Variants in SPATS2 observed in about 807,000 individuals in gnomAD.
SPATS2 encodes spermatogenesis-associated serine-rich protein 2.
Under a neutral mutation model 63.7 loss-of-function variants are expected in SPATS2, and 38 were observed. The observed-to-expected ratio is 0.60, with a 90% confidence interval of 0.46 to 0.78. The LOEUF (loss-of-function observed/expected upper bound fraction) is 0.78, where lower values mean the gene tolerates loss of function less well. Among genes scored for constraint, SPATS2 ranks in the 30% least tolerant of loss-of-function variants. SPATS2 has a pLI of 0.00. For synonymous variants in SPATS2, 207 were observed against 232.9 expected, an observed-to-expected ratio of 0.89 and a Z score of 1.01; for missense variants, 588 against 666.2, an observed-to-expected ratio of 0.88 and a Z score of 1.29.
Position 49,526,001 on chromosome 12 carries a change from A to C in SPATS2, c.1384A>C (p.Asn462His), listed in dbSNP as rs1459085181. The change falls in exon 14 of 14, where the codon AAT becomes CAT. Residue 462 changes from asparagine to histidine, a missense_variant. Coordinates refer to ENST00000552918, the MANE Select transcript of SPATS2 (RefSeq NM_023071.4). Reference sequence around the variant, plus strand: ...CTATAGGCCACAAGGCCAAAAGTCCAATGACCCCATGAACCAAGGGCGGCA... The same window carrying C: ...CTATAGGCCACAAGGCCAAAAGTCCCATGACCCCATGAACCAAGGGCGGCA... ...QGYRPQGQKS[N>H]DPMNQGRHDS... 5 of 1,614,160 alleles carry C rather than the reference A, an allele frequency of 3.1e-6. No homozygotes were observed. The Admixed American group carries it at 5.0e-5, about 16-fold the overall frequency.
rs79359276 is a variant in SPATS2 at position 49,519,158 on chromosome 12, G to T, written c.984G>T (p.Leu328Phe). The T allele has an allele frequency of 3.7e-6, 6 of 1,613,922 alleles. No homozygotes were observed. The highest frequency in any genetic ancestry group is 5.1e-6 in the Non-Finnish European group (6 of 1,179,920). Residue 328 changes from leucine (L) to phenylalanine (F), a missense_variant, in exon 11 of 14, where the codon TTG becomes TTT. Physicochemically the swap from Leu to Phe is conservative, Grantham distance 22. Transcript: ENST00000552918. The stretch of plus-strand genomic sequence containing the variant: ...CTGTTCAAATGTCAGAGCAGCAATT[G>T]GTTGAGCTCAGAGCTGATATCAAGG... ...HVAVQMSEQQ[L>F]VELRADIKHF...
intron 2 of SPATS2, among the ~76,000 whole-genome samples, chr12:49,393,479 ATTAC>A (rs1161125118): frequency 6.6e-6 from 1 of 152,032 alleles, no homozygotes; most frequent in Non-Finnish European, 1.5e-5. Flanking sequence ...TGACTTTTTT[ATTAC>A]TTTGAAATAT....
intron 2 of SPATS2, among the ~76,000 whole-genome samples, chr12:49,377,563 C>G (rs570418918): frequency 6.6e-6 from 1 of 152,212 alleles, no homozygotes; most frequent in Non-Finnish European, 1.5e-5. Context: ...CTAATTATTT[C>G]CATTGTGAAA....
chr12:49,507,075 A>G (rs1191381865), intron 9 of SPATS2, among the ~76,000 whole-genome samples: 3 of 152,198 alleles, frequency 2.0e-5, no homozygotes, highest in Non-Finnish European at 4.4e-5. Context: ...AAGTAAAACT[A>G]TAAGAATACT....
intron 10 of SPATS2, 67 bp from the exon 11 acceptor site, chr12:49,519,006 A>G: frequency 2.3e-6 from 3 of 1,315,758 alleles, no homozygotes; most frequent in East Asian, 4.8e-5. Context: ...TGCAAGGCTT[A>G]TATTTCTAGT....
At chr12:49,414,758 C>G (rs1013048750) in intron 2 of SPATS2, among the ~76,000 whole-genome samples, 10 of 151,830 alleles carry the variant, frequency 6.6e-5, no homozygotes, top group African/African-American at 2.2e-4. Flanking sequence ...AGGCACATGC[C>G]TGGCTAATTT....
intron 2 of SPATS2, among the ~76,000 whole-genome samples, chr12:49,411,316 GT>G (rs1944793249): frequency 6.6e-6 from 1 of 152,100 alleles, no homozygotes; most frequent in African/African-American, 2.4e-5. Flanking sequence ...CCCACCGGAT[GT>G]GCCCCCTCAA....
At chr12:49,408,351 C>T (rs1944733277) in intron 2 of SPATS2, among the ~76,000 whole-genome samples, 1 of 151,538 alleles carries the variant, frequency 6.6e-6, no homozygotes, top group African/African-American at 2.4e-5. Flanking sequence ...CTCCTGGGCT[C>T]CAGCGATTCT....
chr12:49,436,528 G>A (rs1160256769), intron 2 of SPATS2, among the ~76,000 whole-genome samples: 1 of 121,700 alleles, frequency 8.2e-6, no homozygotes, highest in East Asian at 2.3e-4. Flanking sequence ...GCGGGGGGCT[G>A]ACCCCCCCGC....
At chr12:49,460,379 G>C (rs551156873) in intron 2 of SPATS2, among the ~76,000 whole-genome samples, 17 of 152,218 alleles carry the variant, frequency 1.1e-4, no homozygotes, top group African/African-American at 3.6e-4. Flanking sequence ...ACTTGAACCC[G>C]GGAGGCAGAG....
intron 2 of SPATS2, among the ~76,000 whole-genome samples, chr12:49,373,581 C>A (rs1240931686): frequency 6.6e-6 from 1 of 150,818 alleles, no homozygotes; most frequent in African/African-American, 2.5e-5. Flanking sequence ...TGCTTCAGAC[C>A]AGGAGTTTGA....
chr12:49,433,208 G>A (rs528368829), intron 2 of SPATS2, among the ~76,000 whole-genome samples: 1 of 152,320 alleles, frequency 6.6e-6, no homozygotes, highest in South Asian at 2.1e-4. Flanking sequence ...TGTCACACAG[G>A]CTGGAGTGCA....
intron 2 of SPATS2, among the ~76,000 whole-genome samples, chr12:49,428,272 AC>A (rs370495596): frequency 3.0e-4 from 45 of 147,784 alleles, no homozygotes; most frequent in South Asian, 1.1e-3. Context: ...AAACAAACAA[AC>A]AAAAAAAAAA....
At chr12:49,458,216 C>T (rs1219720442) in intron 2 of SPATS2, among the ~76,000 whole-genome samples, 2 of 152,060 alleles carry the variant, frequency 1.3e-5, no homozygotes, top group African/African-American at 4.8e-5. Flanking sequence ...TGCCTGTAAT[C>T]CCACACTTCA....
chr12:49,471,669 A>G (rs1035922973), intron 3 of SPATS2, among the ~76,000 whole-genome samples: 1 of 152,168 alleles, frequency 6.6e-6, no homozygotes, highest in African/African-American at 2.4e-5. Flanking sequence ...TGTATAGCTC[A>G]GTGGCATTAG....
In SPATS2 at chr12:49,524,853, C is replaced by G; in HGVS notation, c.1283C>G (p.Ala428Gly). The G allele has an allele frequency of 6.2e-7, 1 of 1,612,768 alleles. No individual in the cohort carries two copies. Among genetic ancestry groups the G allele is most frequent in the Non-Finnish European group, 8.5e-7 (1 of 1,179,756 alleles). The change falls in exon 13 of 14, where the codon GCC becomes GGC. Residue 428 changes from alanine (A) to glycine (G), a missense_variant. Ala to Gly is a moderately conservative substitution (Grantham distance 60, BLOSUM62 0). Transcript: ENST00000552918. Reference sequence around the variant, plus strand: ...TTTGCACCGGGAGAGACTCCTGCAGCCATAGCAAACTCCAGTGGCCAGCCC... The same window carrying G: ...TTTGCACCGGGAGAGACTCCTGCAGGCATAGCAAACTCCAGTGGCCAGCCC... ...KNFAPGETPAAIANSSGQPYQ... is the reference protein window; with the variant it reads ...KNFAPGETPAGIANSSGQPYQ...
At chr12:49,443,696 T>C (rs1226081879) in intron 2 of SPATS2, among the ~76,000 whole-genome samples, 5 of 152,218 alleles carry the variant, frequency 3.3e-5, no homozygotes, top group Admixed American at 2.6e-4. Context: ...TTCATTTTTA[T>C]GTATTTGGAA....
At chr12:49,369,221 G>T (rs1025735970) in intron 1 of SPATS2, among the ~76,000 whole-genome samples, 1 of 151,882 alleles carries the variant, frequency 6.6e-6, no homozygotes, top group Non-Finnish European at 1.5e-5. Context: ...AGAGACGGGG[G>T]TTTCACCATC....
At chr12:49,513,172 A>C (rs184903391) in intron 9 of SPATS2, among the ~76,000 whole-genome samples, 1 of 152,028 alleles carries the variant, frequency 6.6e-6, no homozygotes, top group Non-Finnish European at 1.5e-5. Context: ...TAACATAACT[A>C]TGTATTGAGC....
Sources: gnomAD v4.1 joint callset for allele counts (sites outside exome capture counted in the v4.1 genomes callset) on GRCh38, gnomAD v4.1.1 for gene constraint, MANE v1.5 for transcripts, NCBI Gene and HGNC (gene_info 2026-07-23, HGNC 2026-07-21) for gene names.